SPRR2B: variants seen among roughly 807,000 people sequenced by gnomAD.
The protein encoded by SPRR2B is small proline rich protein 2B.
SPRR2B carries 1 observed loss-of-function variant against 1.0 expected under a neutral mutation model. The observed-to-expected ratio is 1.01, with a 90% CI of 0.36 to 4.77. The LOEUF is 4.77. SPRR2B is among the 30% of genes most tolerant of loss of function. The pLI is 0.16. For synonymous variants in SPRR2B, 27 were observed against 33.4 expected, an observed-to-expected ratio of 0.81 and a Z score of 0.66; for missense variants, 53 against 88.7, an observed-to-expected ratio of 0.60 and a Z score of 1.62.
chr1:153,072,780 T>C (rs111739532), upstream of SPRR2B, among the ~76,000 whole-genome samples: 4,860 of 152,318 alleles, frequency 0.032, 241 homozygotes, highest in African/African-American at 0.11. Context: ...CTGTCCATTT[T>C]AGTACACATT....
chr1:153,072,679 G>A (rs978940027), upstream of SPRR2B, among the ~76,000 whole-genome samples: 1 of 152,024 alleles, frequency 6.6e-6, no homozygotes, highest in East Asian at 1.9e-4. Flanking sequence ...TATTTTATTT[G>A]TTTGTATGTT....
upstream of SPRR2B, among the ~76,000 whole-genome samples, chr1:153,076,279 T>C (rs1654766008): frequency 6.6e-6 from 1 of 152,162 alleles, no homozygotes. Flanking sequence ...AAATTCTACT[T>C]TTATTTTCTC....
Position 153,070,639 on chromosome 1 carries a change from A to G in SPRR2B, c.201T>C (p.Tyr67=). ...VTPSPPCQPK[Y]PPKSK ...GAAGCTGTTACTTGCTCTTCGGTGG[A>G]TACTTTGGCTGGCAGGGTGGGGAAG... The change falls in exon 2 of 2, where the codon TAT becomes TAC. Residue 67 remains tyrosine (Y), a synonymous_variant. Coordinates refer to ENST00000368755, the MANE Select transcript of SPRR2B (RefSeq NM_001388198.1). 2 of 1,612,202 alleles carry G rather than the reference A, an allele frequency of 1.2e-6. No individual in the cohort carries two copies. The highest frequency in any genetic ancestry group is 1.7e-6 in the Non-Finnish European group (2 of 1,179,824).
chr1:153,079,542 T>G, the SPRR2B span, among the ~76,000 whole-genome samples: 1 of 152,176 alleles, frequency 6.6e-6, no homozygotes, highest in Admixed American at 6.5e-5. Context: ...AATTTTTGTA[T>G]AAGGTGTAAG....
At chr1:153,087,349 A>G in the SPRR2B span, among the ~76,000 whole-genome samples, 19 of 152,116 alleles carry the variant, frequency 1.2e-4, no homozygotes, top group Non-Finnish European at 1.8e-4. Context: ...GAATTAGAGA[A>G]CCAAGAGAAA....
chr1:153,084,379 C>A, the SPRR2B span, among the ~76,000 whole-genome samples: 1 of 152,162 alleles, frequency 6.6e-6, no homozygotes, highest in African/African-American at 2.4e-5. Context: ...CCAGCCCCAA[C>A]TTTCATGCCA....
the SPRR2B span, among the ~76,000 whole-genome samples, chr1:153,077,893 T>C: frequency 1.3e-5 from 2 of 152,182 alleles, no homozygotes; most frequent in Admixed American, 6.5e-5. Context: ...TAGATTACTA[T>C]AACTTTAGGA....
At chr1:153,083,637 C>T in the SPRR2B span, among the ~76,000 whole-genome samples, 3 of 152,188 alleles carry the variant, frequency 2.0e-5, no homozygotes, top group South Asian at 4.1e-4. Flanking sequence ...AGGGACACTA[C>T]ACACCAGAAC....
the SPRR2B span, among the ~76,000 whole-genome samples, chr1:153,086,552 G>A: frequency 6.6e-6 from 1 of 152,202 alleles, no homozygotes; most frequent in Non-Finnish European, 1.5e-5. Flanking sequence ...GACCTTCAAA[G>A]AGATTTAGAC....
chr1:153,079,092 T>C, the SPRR2B span, among the ~76,000 whole-genome samples: 11 of 152,362 alleles, frequency 7.2e-5, no homozygotes, highest in South Asian at 8.3e-4. Context: ...GTGGTTTTGA[T>C]TTGCATTTCT....
At chr1:153,071,654 C>G (rs1239252419), upstream of SPRR2B, among the ~76,000 whole-genome samples, 1 of 152,172 alleles carries the variant, frequency 6.6e-6, no homozygotes, top group Non-Finnish European at 1.5e-5. Context: ...CCAGCTACCC[C>G]ACCCAGCAGG....
the SPRR2B span, among the ~76,000 whole-genome samples, chr1:153,084,686 AC>A: frequency 2.0e-5 from 3 of 152,080 alleles, no homozygotes; most frequent in South Asian, 2.1e-4. Context: ...AATAGTATGC[AC>A]CCTGCCATGC....
the SPRR2B span, among the ~76,000 whole-genome samples, chr1:153,086,325 G>A: frequency 2.0e-5 from 3 of 152,124 alleles, no homozygotes; most frequent in South Asian, 6.2e-4. Flanking sequence ...GTAAAGGGAT[G>A]GAGAAAAATC....
At chr1:153,082,779 A>G in the SPRR2B span, among the ~76,000 whole-genome samples, 57 of 152,288 alleles carry the variant, frequency 3.7e-4, no homozygotes, top group Middle Eastern at 0.01. Flanking sequence ...TCTCAGATAA[A>G]TAACCTCATA....
rs746623510 is a variant in SPRR2B at position 153,070,634 on chromosome 1, G to A, written c.206C>T (p.Pro69Leu). 80 of 1,612,168 alleles carry A rather than the reference G, an allele frequency of 5.0e-5. No homozygotes were observed. The highest frequency in any genetic ancestry group is 5.8e-5 in the Non-Finnish European group (68 of 1,179,810). ...ATCCTGAAGCTGTTACTTGCTCTTC[G>A]GTGGATACTTTGGCTGGCAGGGTGG... Reference protein sequence around the residue: ...PSPPCQPKYPPKSK With the variant: ...PSPPCQPKYPLKSK Residue 69 changes from proline to leucine, a missense_variant, in exon 2 of 2, where the codon CCG becomes CTG. Transcript: ENST00000368755.
At chr1:153,082,773 A>C in the SPRR2B span, among the ~76,000 whole-genome samples, 1 of 152,134 alleles carries the variant, frequency 6.6e-6, no homozygotes, top group African/African-American at 2.4e-5. Flanking sequence ...AAAAGATCTC[A>C]GATAAATAAC....
At chr1:153,079,546 G>A in the SPRR2B span, among the ~76,000 whole-genome samples, 1 of 152,082 alleles carries the variant, frequency 6.6e-6, no homozygotes, top group African/African-American at 2.4e-5. Flanking sequence ...TTTGTATAAG[G>A]TGTAAGGAAG....
the SPRR2B span, among the ~76,000 whole-genome samples, chr1:153,084,493 A>G: frequency 1.3e-5 from 2 of 152,104 alleles, no homozygotes; most frequent in East Asian, 1.9e-4. Flanking sequence ...TGCACACAGA[A>G]AAAGCACACA....
the SPRR2B span, among the ~76,000 whole-genome samples, chr1:153,085,807 A>C: frequency 6.6e-6 from 1 of 152,228 alleles, no homozygotes; most frequent in South Asian, 2.1e-4. Context: ...CTACATAGGG[A>C]AGCCATTTAG....
Sources: allele counts gnomAD v4.1 joint callset (sites outside exome capture counted in the v4.1 genomes callset), GRCh38; gene constraint gnomAD v4.1.1; transcripts MANE v1.5; gene names NCBI Gene and HGNC (gene_info 2026-07-23, HGNC 2026-07-21).